The following DSCAM variants were observed in gnomAD, a reference collection of about 807,000 sequenced individuals.
DSCAM encodes DS cell adhesion molecule, also known as cell adhesion molecule DSCAM.
Under a neutral mutation model 217.7 loss-of-function variants are expected in DSCAM, and 47 were observed. The ratio of observed to expected loss-of-function variants is 0.22; its 90% confidence interval spans 0.17 to 0.28. The LOEUF (loss-of-function observed/expected upper bound fraction) is 0.28, where lower values mean the gene tolerates loss of function less well. Among genes scored for constraint, DSCAM ranks in the 10% least tolerant of loss-of-function variants. DSCAM has a pLI of 1.00. For missense variants in DSCAM, 2,080 were observed against 2,618.3 expected, an observed-to-expected ratio of 0.79 and a Z score of 4.49; for synonymous variants, 1,056 against 1,015.3, an observed-to-expected ratio of 1.04 and a Z score of -0.76.
At chr21:40,515,002 G>T (rs540261395) in intron 3 of DSCAM, among the ~76,000 whole-genome samples, 1 of 152,166 alleles carries the variant, frequency 6.6e-6, no homozygotes, top group Admixed American at 6.5e-5. Flanking sequence ...TTTCAGAAGC[G>T]AAGTTAAGAA....
chr21:40,393,611 C>T (rs2075153139), intron 3 of DSCAM, among the ~76,000 whole-genome samples: 1 of 152,060 alleles, frequency 6.6e-6, no homozygotes, highest in Admixed American at 6.6e-5. Flanking sequence ...ATATAAATCC[C>T]ACATAATTCC....
At chr21:40,171,734 T>TA (rs2090660347) in intron 15 of DSCAM, among the ~76,000 whole-genome samples, 1 of 152,174 alleles carries the variant, frequency 6.6e-6, no homozygotes, top group African/African-American at 2.4e-5. Context: ...AACATTACTT[T>TA]AAAAATTTTT....
In DSCAM at chr21:40,042,384, C is replaced by T. The variant is rs2088767554; in HGVS notation, c.5673G>A (p.Lys1891=). 1 of 1,613,894 alleles carries T rather than the reference C, an allele frequency of 6.2e-7. No homozygotes were observed. The highest frequency in any genetic ancestry group is 1.3e-5 in the African/African-American group (1 of 75,046). ...GGRVMNMAVP[K]AHRPGDLIHL... ...TTGCTCACCTACCTGGCCGATGTGCCTTTGGAACTGCCATATTCATTACTC... is the reference window on the plus strand; with the variant it reads ...TTGCTCACCTACCTGGCCGATGTGCTTTTGGAACTGCCATATTCATTACTC... Residue 1891 remains lysine (K), a synonymous_variant, in exon 32 of 33, where the codon AAG becomes AAA. Coordinates refer to ENST00000400454, the MANE Select transcript of DSCAM (RefSeq NM_001389.5).
chr21:40,714,887 G>A (rs552442351), intron 1 of DSCAM, among the ~76,000 whole-genome samples: 2 of 152,320 alleles, frequency 1.3e-5, no homozygotes, highest in African/African-American at 4.8e-5. Flanking sequence ...GGTACTGGGA[G>A]GTGGAAACTT....
intron 6 of DSCAM, among the ~76,000 whole-genome samples, chr21:40,343,519 T>C (rs2074522187): frequency 6.6e-6 from 1 of 152,168 alleles, no homozygotes. Flanking sequence ...TCAAATGATT[T>C]TTTCTGTATA....
Position 40,286,711 on chromosome 21 carries a change from C to T in DSCAM, c.2182+9344G>A, listed in dbSNP as rs901349975. Among the ~76,000 whole-genome samples the T allele has an allele frequency of 1.1e-3, 168 of 146,098 alleles. 1 individual carries two copies. The highest frequency in any genetic ancestry group is 4.0e-3 in the Admixed American group (59 of 14,718). On this transcript the variant is annotated intron_variant, in intron 10 of 32. Transcript: ENST00000400454. ...TGATCCTCAGTGTGATCTGCAGTGT[C>T]ATCTGCAGTGTGATCCACAGTGTGA...
At chr21:40,042,792 G>A (rs943073389) in intron 31 of DSCAM, 119 bp from the exon 32 acceptor site, 46 of 974,062 alleles carry the variant, frequency 4.7e-5, no homozygotes, top group Non-Finnish European at 6.2e-5. Flanking sequence ...CCTGGTAGGA[G>A]TTCTGGCTCC....
At chr21:40,120,056 G>C (rs2090016292) in intron 20 of DSCAM, among the ~76,000 whole-genome samples, 1 of 152,118 alleles carries the variant, frequency 6.6e-6, no homozygotes, top group Admixed American at 6.6e-5. Context: ...TCTGGACCTG[G>C]TGAGTTACTT....
chr21:40,299,272 T>C (rs537792352), intron 9 of DSCAM, among the ~76,000 whole-genome samples: 2 of 152,332 alleles, frequency 1.3e-5, no homozygotes, highest in South Asian at 4.1e-4. Flanking sequence ...ATAAGCCAAA[T>C]CATATACATT....
chr21:40,845,882 G>A (rs1729272601), intron 1 of DSCAM, among the ~76,000 whole-genome samples: 2 of 152,104 alleles, frequency 1.3e-5, no homozygotes, highest in African/African-American at 4.8e-5. Flanking sequence ...TCAGTCAAGA[G>A]CAATAGCTTT....
At chr21:40,530,920 A>ACCATCCATCCATCCAT (rs749257248) in intron 3 of DSCAM, among the ~76,000 whole-genome samples, 2 of 88,546 alleles carry the variant, frequency 2.3e-5, no homozygotes, top group South Asian at 9.4e-4. Flanking sequence ...CATCCATTCA[A>ACCATCCATCCATCCAT]CCATCCATCC....
intron 3 of DSCAM, among the ~76,000 whole-genome samples, chr21:40,648,560 A>G (rs2146354903): frequency 6.6e-6 from 1 of 152,228 alleles, no homozygotes; most frequent in East Asian, 1.9e-4. Flanking sequence ...CTGTCTTTCC[A>G]TTTTGGTGCA....
chr21:40,667,025 G>C (rs959665927), intron 3 of DSCAM, among the ~76,000 whole-genome samples: 2 of 152,150 alleles, frequency 1.3e-5, no homozygotes, highest in Non-Finnish European at 2.9e-5. Context: ...TCCCCACAAA[G>C]CAACATGGGC....
chr21:40,074,933 G>T, intron 27 of DSCAM, 104 bp downstream of exon 27: 1 of 1,256,784 alleles, frequency 8.0e-7, no homozygotes, highest in Non-Finnish European at 1.1e-6. Context: ...GTTAAAGAGG[G>T]AAGAGTCACT....
intron 11 of DSCAM, among the ~76,000 whole-genome samples, chr21:40,200,083 C>A (rs2091054692): frequency 6.8e-6 from 1 of 146,956 alleles, no homozygotes; most frequent in South Asian, 2.1e-4. Context: ...TTTCAGTGGA[C>A]AAAGTACATT....
At position 40,303,060 on chromosome 21, in the gene DSCAM, A is replaced by G. The variant is rs115431749; in HGVS notation, c.2063-6886T>C. Among the ~76,000 whole-genome samples the G allele has an allele frequency of 3.4e-3, 522 of 152,286 alleles. 2 individuals carry two copies. The highest frequency in any genetic ancestry group is 0.011 in the African/African-American group (467 of 41,550). On this transcript the variant is annotated intron_variant, in intron 9 of 32. Transcript: ENST00000400454. ...TGGGCAGAAATTCAGTTTTAATGAA[A>G]GCCATTTGGTGGAGGTGGGAGGGGG... is the stretch of plus-strand genomic sequence containing the variant.
At chr21:40,551,220 A>G (rs1226567248) in intron 3 of DSCAM, among the ~76,000 whole-genome samples, 3 of 152,328 alleles carry the variant, frequency 2.0e-5, no homozygotes, top group East Asian at 1.9e-4. Context: ...GACATCAATC[A>G]ATACATGCGA....
intron 6 of DSCAM, among the ~76,000 whole-genome samples, chr21:40,344,909 C>T (rs764304566): frequency 3.2e-4 from 48 of 152,232 alleles, no homozygotes; most frequent in Non-Finnish European, 6.3e-4. Context: ...GTGTGTGTCA[C>T]GTTATCTGAT....
intron 3 of DSCAM, among the ~76,000 whole-genome samples, chr21:40,646,451 A>G (rs1342669118): frequency 6.6e-6 from 1 of 151,270 alleles, no homozygotes; most frequent in Non-Finnish European, 1.5e-5. Flanking sequence ...ACCTGATACC[A>G]TGAGCACTGA....
Sources: allele counts gnomAD v4.1 joint callset (sites outside exome capture counted in the v4.1 genomes callset), GRCh38; gene constraint gnomAD v4.1.1; transcripts MANE v1.5; gene names NCBI Gene and HGNC (gene_info 2026-07-23, HGNC 2026-07-21).